ATAD1: variants seen among roughly 807,000 people sequenced by gnomAD.
ATAD1 encodes ATPase family AAA domain containing 1, also known as outer mitochondrial transmembrane helix translocase.
A neutral mutation model predicts 42.7 loss-of-function variants in ATAD1; 18 were observed. The observed-to-expected ratio is 0.42, with a 90% CI of 0.29 to 0.63. ATAD1 has a LOEUF of 0.63. Among genes scored for constraint, ATAD1 ranks in the 20% least tolerant of loss-of-function variants. ATAD1 has a pLI of 0.19. For synonymous variants in ATAD1, 132 were observed against 143.1 expected (o/e 0.92, Z 0.55); for missense variants, 294 against 440.4 (o/e 0.67, Z 2.98).
chr10:87,790,785 T>G (rs1856059113), intron 3 of ATAD1, among the ~76,000 whole-genome samples: 1 of 152,066 alleles, frequency 6.6e-6, no homozygotes, highest in African/African-American at 2.4e-5. Flanking sequence ...GGGAAAGAGC[T>G]CATCAGGAAT....
intron 4 of ATAD1, among the ~76,000 whole-genome samples, chr10:87,787,869 G>C (rs1855911972): frequency 1.3e-5 from 2 of 151,696 alleles, no homozygotes; most frequent in South Asian, 4.2e-4. Flanking sequence ...TTTTTCCTTA[G>C]GTTACTCACA....
At chr10:87,761,930 A>G (rs1316528790) in intron 8 of ATAD1, among the ~76,000 whole-genome samples, 1 of 151,934 alleles carries the variant, frequency 6.6e-6, no homozygotes, top group East Asian at 1.9e-4. Flanking sequence ...TTCTTTGTAG[A>G]GGTGAGGTCT....
chr10:87,798,403 T>C (rs879614958), intron 2 of ATAD1, among the ~76,000 whole-genome samples: 14 of 152,112 alleles, frequency 9.2e-5, no homozygotes, highest in Non-Finnish European at 1.8e-4. Flanking sequence ...TTTGTGCACA[T>C]TTACATTAAA....
At chr10:87,807,220 C>G (rs868383681) in intron 2 of ATAD1, among the ~76,000 whole-genome samples, 1 of 152,096 alleles carries the variant, frequency 6.6e-6, no homozygotes, top group South Asian at 2.1e-4. Flanking sequence ...AACATTTATA[C>G]AAATATTCAG....
chr10:87,796,013 T>TAA (rs1856370160), intron 2 of ATAD1, among the ~76,000 whole-genome samples: 1 of 152,216 alleles, frequency 6.6e-6, no homozygotes, highest in Non-Finnish European at 1.5e-5. Flanking sequence ...TAAAGCTTTT[T>TAA]AAAAATGCAT....
At chr10:87,755,624 C>A (rs1245517441) in intron 9 of ATAD1, among the ~76,000 whole-genome samples, 1 of 151,960 alleles carries the variant, frequency 6.6e-6, no homozygotes, top group African/African-American at 2.4e-5. Context: ...AGAATAAAAA[C>A]CTGGCCAGTA....
At chr10:87,798,546 G>GT (rs1856511019) in intron 2 of ATAD1, among the ~76,000 whole-genome samples, 1 of 146,968 alleles carries the variant, frequency 6.8e-6, no homozygotes, top group African/African-American at 2.6e-5. Context: ...GATCTAACAG[G>GT]TTTTTTGTGT....
At position 87,753,817 on chromosome 10, in the gene ATAD1, A is replaced by G. The variant is rs577589412; in HGVS notation, c.*870T>C. On this transcript the variant is annotated 3_prime_UTR_variant, in exon 10 of 10. Coordinates refer to ENST00000680024, the MANE Select transcript of ATAD1 (RefSeq NM_001321967.2). The stretch of plus-strand genomic sequence containing the variant: ...ACAACAGACATGTTACATTAAATGA[A>G]AAAAGGAAAGAAATGTACATGTATT... The G allele has an allele frequency of 1.3e-5, 2 of 152,762 alleles. No homozygotes were observed. Among genetic ancestry groups the G allele is most frequent in the South Asian group, 4.1e-4 (2 of 4,830 alleles). 9.5% of individuals were successfully genotyped at this position (152,762 alleles called of 1,614,324 possible). A position where few individuals can be genotyped will look rare whatever the true frequency, so the allele number is the denominator to read the frequency against.
At chr10:87,801,654 C>T (rs960148969) in intron 2 of ATAD1, among the ~76,000 whole-genome samples, 3 of 152,104 alleles carry the variant, frequency 2.0e-5, no homozygotes, top group Admixed American at 6.5e-5. Context: ...ATAATAAATT[C>T]CCTTGTCAAC....
chr10:87,801,332 C>A (rs1178435638), intron 2 of ATAD1, among the ~76,000 whole-genome samples: 1 of 151,688 alleles, frequency 6.6e-6, no homozygotes, highest in Admixed American at 6.6e-5. Context: ...TAAATTATGT[C>A]TTTTTTTTGA....
At chr10:87,830,143 T>C (rs1857802187) in intron 1 of ATAD1, among the ~76,000 whole-genome samples, 1 of 152,190 alleles carries the variant, frequency 6.6e-6, no homozygotes, top group African/African-American at 2.4e-5. Context: ...TGCCAAGGCT[T>C]GCAAATGTGA....
chr10:87,754,703 T>C lies in ATAD1; in HGVS notation c.1070A>G (p.His357Arg), dbSNP rs1262317795. The C allele has an allele frequency of 2.5e-6, 4 of 1,613,272 alleles. No homozygotes were observed. The highest frequency in any genetic ancestry group is 2.2e-5 in the East Asian group (1 of 44,820). The change falls in exon 10 of 10, where the codon CAT becomes CGT. Residue 357 changes from histidine to arginine, a missense_variant. By Grantham distance (29) the His-to-Arg change is conservative (BLOSUM62 0). Transcript: ENST00000680024. ...KDAAFQNVLT[H>R]VCLD ...TCTTTACTCTTAATCTAAACAAACA[T>C]GTGTTAAAACATTCTGAAATGCTGC...
At chr10:87,803,694 C>T (rs542489008) in intron 2 of ATAD1, among the ~76,000 whole-genome samples, 11 of 152,240 alleles carry the variant, frequency 7.2e-5, no homozygotes, top group Admixed American at 3.3e-4. Flanking sequence ...CACATGTCAT[C>T]AGGACCTCCT....
At chr10:87,777,615 A>G (rs60115167) in intron 5 of ATAD1, among the ~76,000 whole-genome samples, 2,408 of 152,108 alleles carry the variant, frequency 0.016, 61 homozygotes, top group African/African-American at 0.054. Context: ...AAAACAGTAA[A>G]AATAAATCTA....
intron 3 of ATAD1, among the ~76,000 whole-genome samples, chr10:87,792,202 C>G (rs2131936549): frequency 6.6e-6 from 1 of 152,306 alleles, no homozygotes; most frequent in East Asian, 1.9e-4. Context: ...GCTCACTGTG[C>G]CTAAACTGTT....
At chr10:87,769,436 A>G (rs1357931478) in intron 7 of ATAD1, among the ~76,000 whole-genome samples, 1 of 152,214 alleles carries the variant, frequency 6.6e-6, no homozygotes, top group Non-Finnish European at 1.5e-5. Context: ...TTCAAGGTCC[A>G]GCTGGATTCT....
rs1589459868 is a variant in ATAD1, at chr10:87,760,791, C to T, written c.832-3869G>A. Among the ~76,000 whole-genome samples, 3 of 152,160 alleles carry T rather than the reference C, an allele frequency of 2.0e-5. No individual in the cohort carries two copies. In the East Asian group the frequency reaches 5.8e-4, roughly 29 times the overall value. ...AAAACAAAAACTATTGCTGCTATAT[C>T]ATACAAAAGTAATTTCAGGTCAGTT... is the stretch of plus-strand genomic sequence containing the variant. On this transcript the variant is annotated intron_variant, in intron 8 of 9. Transcript: ENST00000680024.
intron 1 of ATAD1, 182 bp downstream of exon 1, chr10:87,817,985 T>C (rs1445313992): frequency 3.0e-6 from 3 of 985,526 alleles, no homozygotes; most frequent in African/African-American, 1.7e-5. Flanking sequence ...GGGACGCCCT[T>C]GGAGGTTAAT....
intron 1 of ATAD1, among the ~76,000 whole-genome samples, chr10:87,840,749 G>A (rs971104334): frequency 2.6e-5 from 4 of 152,156 alleles, no homozygotes; most frequent in Non-Finnish European, 5.9e-5. Flanking sequence ...TATAAATAGT[G>A]ATTAAGGTCT....
Sources: allele counts gnomAD v4.1 joint callset (sites outside exome capture counted in the v4.1 genomes callset), GRCh38; gene constraint gnomAD v4.1.1; transcripts MANE v1.5; gene names NCBI Gene and HGNC (gene_info 2026-07-23, HGNC 2026-07-21).